Variants in ULK4 observed in about 807,000 individuals in gnomAD.
ULK4 encodes unc-51 like kinase 4, also known as inactive serine/threonine-protein kinase ULK4.
Under a neutral mutation model 160.6 loss-of-function variants are expected in ULK4, and 133 were observed. That is an observed-to-expected ratio of 0.83 (90% CI 0.72 to 0.96). The LOEUF (loss-of-function observed/expected upper bound fraction) is 0.96. Among genes scored for constraint, ULK4 ranks in the 40% least tolerant of loss-of-function variants. The pLI is 0.00. For missense variants in ULK4, 1,580 were observed against 1,499.5 expected, an observed-to-expected ratio of 1.05 and a Z score of -0.89; for synonymous variants, 534 against 539.8, an observed-to-expected ratio of 0.99 and a Z score of 0.15.
At chr3:41,458,491 C>G (rs563661799) in intron 33 of ULK4, among the ~76,000 whole-genome samples, 15 of 151,984 alleles carry the variant, frequency 9.9e-5, no homozygotes, top group Non-Finnish European at 2.1e-4. Flanking sequence ...AATTCCAGCA[C>G]GTTGGGAGGC....
chr3:41,956,948 T>A (rs941636861), intron 1 of ULK4, among the ~76,000 whole-genome samples: 4 of 152,234 alleles, frequency 2.6e-5, no homozygotes, highest in Admixed American at 6.5e-5. Flanking sequence ...TCAAGTGATG[T>A]TGTTGTTGTT....
chr3:41,708,977 T>C (rs1389568542), intron 25 of ULK4, among the ~76,000 whole-genome samples: 2 of 152,208 alleles, frequency 1.3e-5, no homozygotes, highest in African/African-American at 4.8e-5. Flanking sequence ...AATCTATGGA[T>C]ACAGAAGGTC....
chr3:41,748,294 C>A (rs577518949), intron 22 of ULK4, among the ~76,000 whole-genome samples: 34 of 150,608 alleles, frequency 2.3e-4, no homozygotes, highest in African/African-American at 8.3e-4. Context: ...TATATATATA[C>A]ACACACACAG....
At chr3:41,580,000 G>A (rs149338292) in intron 31 of ULK4, among the ~76,000 whole-genome samples, 10 of 152,252 alleles carry the variant, frequency 6.6e-5, no homozygotes, top group Admixed American at 4.6e-4. Flanking sequence ...TGGAGCACAC[G>A]TGTGAGGACT....
At chr3:41,860,132 C>T (rs1165840612) in intron 17 of ULK4, among the ~76,000 whole-genome samples, 1 of 151,898 alleles carries the variant, frequency 6.6e-6, no homozygotes, top group Non-Finnish European at 1.5e-5. Context: ...TTTTTTAAGA[C>T]TTGTTTTGTG....
chr3:41,643,383 G>A (rs1453958516), intron 30 of ULK4, among the ~76,000 whole-genome samples: 1 of 152,176 alleles, frequency 6.6e-6, no homozygotes, highest in African/African-American at 2.4e-5. Flanking sequence ...GTGTAAGGAA[G>A]GGAACCAGTG....
At chr3:41,592,375 G>A (rs570714958) in intron 31 of ULK4, among the ~76,000 whole-genome samples, 6 of 152,234 alleles carry the variant, frequency 3.9e-5, no homozygotes, top group South Asian at 4.2e-4. Flanking sequence ...AGGGGTCCTC[G>A]GGCGGGCTGC....
chr3:41,547,439 G>A (rs1404139303), intron 32 of ULK4, among the ~76,000 whole-genome samples: 1 of 152,120 alleles, frequency 6.6e-6, no homozygotes, highest in Non-Finnish European at 1.5e-5. Flanking sequence ...TCAACTTGGA[G>A]CCCAGAGAGG....
chr3:41,724,916 G>A (rs1424246922), intron 22 of ULK4, among the ~76,000 whole-genome samples: 2 of 152,128 alleles, frequency 1.3e-5, no homozygotes, highest in African/African-American at 4.8e-5. Context: ...AACCAGTTTT[G>A]TAAACTGTTT....
chr3:41,540,871 T>C (rs1159418873), intron 32 of ULK4, among the ~76,000 whole-genome samples: 4 of 118,558 alleles, frequency 3.4e-5, no homozygotes, highest in African/African-American at 5.4e-5. Flanking sequence ...TGCCCACATT[T>C]TGATGGGGTT....
intron 18 of ULK4, 147 bp downstream of exon 18, chr3:41,835,717 C>G: frequency 1.9e-6 from 1 of 529,356 alleles, no homozygotes; most frequent in South Asian, 3.5e-5. Flanking sequence ...CTGACAAATT[C>G]TCTCCCCAAG....
At chr3:41,618,007 T>C (rs1169121904) in intron 30 of ULK4, among the ~76,000 whole-genome samples, 1 of 151,946 alleles carries the variant, frequency 6.6e-6, no homozygotes, top group South Asian at 2.1e-4. Context: ...ATAGATCAAG[T>C]GGAAGAAAGT....
chr3:41,781,311 G>A (rs1412675787), intron 21 of ULK4, among the ~76,000 whole-genome samples: 1 of 151,770 alleles, frequency 6.6e-6, no homozygotes, highest in Non-Finnish European at 1.5e-5. Context: ...CAGCTACTCA[G>A]GAGGCTGAGG....
chr3:41,362,134 A>AT (rs1308029238), intron 35 of ULK4, among the ~76,000 whole-genome samples: 1 of 152,218 alleles, frequency 6.6e-6, no homozygotes, highest in East Asian at 1.9e-4. Context: ...GTTAACTATC[A>AT]TAAGACAGTT....
At chr3:41,390,414 G>A (rs530288046) in intron 35 of ULK4, among the ~76,000 whole-genome samples, 130 of 152,118 alleles carry the variant, frequency 8.5e-4, no homozygotes, top group Middle Eastern at 3.4e-3. Context: ...GCTAGCTTTC[G>A]AATGTGTTTG....
intron 35 of ULK4, among the ~76,000 whole-genome samples, chr3:41,366,850 G>T (rs940528929): frequency 6.6e-6 from 1 of 152,142 alleles, no homozygotes; most frequent in Non-Finnish European, 1.5e-5. Flanking sequence ...CTAATATACA[G>T]TTCCCATAAA....
chr3:41,475,107 T>C (rs1264588541), intron 32 of ULK4, among the ~76,000 whole-genome samples: 2 of 152,034 alleles, frequency 1.3e-5, no homozygotes, highest in Non-Finnish European at 2.9e-5. Flanking sequence ...CATCAGCAGA[T>C]AAAAGGATAA....
intron 34 of ULK4, among the ~76,000 whole-genome samples, chr3:41,424,718 TAGAA>T (rs1345742920): frequency 1.4e-5 from 2 of 145,050 alleles, no homozygotes; most frequent in African/African-American, 5.2e-5. Flanking sequence ...AACAAACAAA[TAGAA>T]AGCAATAACA....
intron 35 of ULK4, among the ~76,000 whole-genome samples, chr3:41,295,795 CAG>C (rs944927425): frequency 8.5e-5 from 13 of 152,226 alleles, no homozygotes; most frequent in African/African-American, 3.1e-4. Context: ...AGCAAGGATG[CAG>C]AGCAACAGGA....
Sources: gnomAD v4.1 joint callset for allele counts (sites outside exome capture counted in the v4.1 genomes callset) on GRCh38, gnomAD v4.1.1 for gene constraint, MANE v1.5 for transcripts, NCBI Gene and HGNC (gene_info 2026-07-23, HGNC 2026-07-21) for gene names.